ZNF521: variants seen among roughly 807,000 people sequenced by gnomAD.
The protein encoded by ZNF521 is zinc finger protein 521.
ZNF521 carries 14 observed loss-of-function variants against 105.5 expected under a neutral mutation model. The observed-to-expected ratio is 0.13, with a 90% CI of 0.09 to 0.21. ZNF521 has a LOEUF of 0.21. Among genes scored for constraint, ZNF521 ranks in the 10% least tolerant of loss-of-function variants. The pLI is 1.00. For missense variants in ZNF521, 1,233 were observed against 1,629.7 expected (o/e 0.76, Z 4.19); for synonymous variants, 635 against 606.0 (o/e 1.05, Z -0.70).
intron 3 of ZNF521, among the ~76,000 whole-genome samples, chr18:25,279,494 G>C (rs1910232546): frequency 6.6e-6 from 1 of 152,206 alleles, no homozygotes; most frequent in Non-Finnish European, 1.5e-5. Flanking sequence ...ATGGGCAGCA[G>C]AATTTCCTCT....
At chr18:25,321,858 C>A (rs552700520) in intron 3 of ZNF521, 150 bp downstream of exon 3, 47 of 730,378 alleles carry the variant, frequency 6.4e-5, no homozygotes, top group Non-Finnish European at 9.1e-5. Flanking sequence ...ACAACCATCT[C>A]AGAATTCTTT....
At chr18:25,093,080 G>A (rs994369477) in intron 5 of ZNF521, among the ~76,000 whole-genome samples, 3 of 152,202 alleles carry the variant, frequency 2.0e-5, no homozygotes, top group Admixed American at 6.5e-5. Context: ...AAAACCCTAT[G>A]AGAAAAACTA....
intron 3 of ZNF521, among the ~76,000 whole-genome samples, chr18:25,293,021 G>A (rs1257879823): frequency 2.0e-5 from 3 of 151,924 alleles, no homozygotes; most frequent in African/African-American, 7.3e-5. Context: ...GTCACTTCTG[G>A]GTCCACTGCC....
chr18:25,255,271 G>A (rs1448195768), intron 3 of ZNF521, among the ~76,000 whole-genome samples: 6 of 152,042 alleles, frequency 3.9e-5, no homozygotes, highest in Admixed American at 3.9e-4. Flanking sequence ...ATTGTTAACA[G>A]CTACTTTCAC....
chr18:25,319,600 A>G (rs1486314055), intron 3 of ZNF521, among the ~76,000 whole-genome samples: 2 of 152,214 alleles, frequency 1.3e-5, no homozygotes, highest in African/African-American at 2.4e-5. Flanking sequence ...CATCACAAAA[A>G]AAAAAAAAAG....
chr18:25,075,435 C>T (rs1007674020), intron 7 of ZNF521, among the ~76,000 whole-genome samples: 3 of 152,208 alleles, frequency 2.0e-5, no homozygotes, highest in African/African-American at 4.8e-5. Flanking sequence ...ATGACTCCTG[C>T]CACCGGGCTC....
intron 5 of ZNF521, among the ~76,000 whole-genome samples, chr18:25,108,677 T>C (rs145153163): frequency 0.023 from 3,495 of 152,298 alleles, 64 homozygotes; most frequent in South Asian, 0.04. Flanking sequence ...CAGGTTGGAG[T>C]GCAGTGGCTC....
rs567135799 is a variant in ZNF521 at position 25,160,421 on chromosome 18, T to G, written c.3658+34739A>C. The stretch of plus-strand genomic sequence containing the variant: ...CACTACGTGATTAATTTGAAGCAAG[T>G]GATTAAAGGGCTCTTTTTAGGAATT... On this transcript the variant is annotated intron_variant, in intron 5 of 7. Coordinates refer to ENST00000361524, the MANE Select transcript of ZNF521 (RefSeq NM_015461.3). Among the ~76,000 whole-genome samples the G allele has an allele frequency of 2.0e-3, 311 of 152,260 alleles. 2 individuals carry two copies. The highest frequency in any genetic ancestry group is 3.8e-3 in the Non-Finnish European group (260 of 68,012).
chr18:25,081,086 G>C (rs547332341), intron 7 of ZNF521, among the ~76,000 whole-genome samples: 88 of 131,906 alleles, frequency 6.7e-4, no homozygotes, highest in African/African-American at 2.3e-3. Flanking sequence ...GGCCAGCAGA[G>C]CCCAGCCAAA....
At chr18:25,089,353 GC>G (rs2033695637) in intron 7 of ZNF521, 111 bp downstream of exon 7, 1 of 783,238 alleles carries the variant, frequency 1.3e-6, no homozygotes, top group Non-Finnish European at 2.1e-6. Flanking sequence ...TACACACAAA[GC>G]ATCATGGTGG....
At chr18:25,095,965 T>C (rs2033843514) in intron 5 of ZNF521, among the ~76,000 whole-genome samples, 1 of 152,116 alleles carries the variant, frequency 6.6e-6, no homozygotes, top group South Asian at 2.1e-4. Context: ...AGTGGGGCCT[T>C]TACCATTGAG....
intron 5 of ZNF521, among the ~76,000 whole-genome samples, chr18:25,132,973 C>T (rs569699936): frequency 4.6e-5 from 7 of 152,230 alleles, no homozygotes; most frequent in Admixed American, 1.3e-4. Context: ...GACATGTGTG[C>T]GGCATCAGCT....
chr18:25,347,621 C>A (rs918041423), intron 2 of ZNF521, among the ~76,000 whole-genome samples: 75 of 152,124 alleles, frequency 4.9e-4, no homozygotes, highest in African/African-American at 1.8e-3. Flanking sequence ...AAGTTTCCTA[C>A]AAACAAAAAA....
chr18:25,131,013 G>T (rs374290250), intron 5 of ZNF521, among the ~76,000 whole-genome samples: 17 of 151,810 alleles, frequency 1.1e-4, no homozygotes, highest in African/African-American at 3.6e-4. Flanking sequence ...CTTTTTTTCC[G>T]ATTGGAGAGT....
intron 5 of ZNF521, among the ~76,000 whole-genome samples, chr18:25,096,504 A>G (rs886623020): frequency 2.6e-5 from 4 of 152,200 alleles, no homozygotes; most frequent in Non-Finnish European, 1.5e-5. Context: ...TGACATTTCA[A>G]TATAAGCTTT....
chr18:25,117,492 A>T (rs1427925538), intron 5 of ZNF521, among the ~76,000 whole-genome samples: 3 of 152,186 alleles, frequency 2.0e-5, no homozygotes, highest in Non-Finnish European at 4.4e-5. Context: ...CAAGGATTTT[A>T]AAGCAGCTAT....
intron 2 of ZNF521, among the ~76,000 whole-genome samples, chr18:25,325,781 C>T (rs1419293460): frequency 4.6e-5 from 7 of 152,156 alleles, no homozygotes; most frequent in Non-Finnish European, 7.3e-5. Flanking sequence ...GGAACACACG[C>T]ACAATTATTA....
At position 25,179,116 on chromosome 18, in the gene ZNF521, C is replaced by CTTTTTTTTTTTTT. The variant is rs1175859497; in HGVS notation, c.3658+16031_3658+16043dup. 7.8e-4 allele frequency among the ~76,000 whole-genome samples: 41 copies of CTTTTTTTTTTTTT among 52,480 alleles called. 12 individuals carry two copies. Among genetic ancestry groups the CTTTTTTTTTTTTT allele is most frequent in the Non-Finnish European group, 1.1e-3 (31 of 28,970 alleles). The allele number at this position is 52,480 out of a possible 152,430, so 34.4% of individuals were successfully genotyped here. A position where few individuals can be genotyped will look rare whatever the true frequency, so the allele number is the denominator to read the frequency against. ...GACTTATACTTCTTTTTCTTTATTC[C>CTTTTTTTTTTTTT]TTTTTTTTTTTTTTTTTTTTTTTTT... On this transcript the variant is annotated intron_variant, in intron 5 of 7. Coordinates refer to ENST00000361524, the MANE Select transcript of ZNF521 (RefSeq NM_015461.3).
intron 4 of ZNF521, among the ~76,000 whole-genome samples, chr18:25,219,985 C>G (rs1297453562): frequency 6.6e-6 from 1 of 152,186 alleles, no homozygotes; most frequent in Non-Finnish European, 1.5e-5. Flanking sequence ...AAGGTCCCCT[C>G]CTGTCCCTTG....
Sources: gnomAD v4.1 joint callset for allele counts (sites outside exome capture counted in the v4.1 genomes callset) on GRCh38, gnomAD v4.1.1 for gene constraint, MANE v1.5 for transcripts, NCBI Gene and HGNC (gene_info 2026-07-23, HGNC 2026-07-21) for gene names.